Variants in PNO1 observed in about 807,000 individuals in gnomAD.
PNO1 encodes the protein partner of NOB1 homolog.
A neutral mutation model predicts 28.4 loss-of-function variants in PNO1; 16 were observed. The observed-to-expected ratio is 0.56, with a 90% CI of 0.38 to 0.85. The LOEUF (loss-of-function observed/expected upper bound fraction) is 0.85. Ranked by LOEUF, PNO1 falls within the 40% of genes least tolerant of loss-of-function variation. The probability of loss-of-function intolerance (pLI) is 0.00; values close to 1 mark genes in which losing one functional copy is unlikely to be tolerated. For missense variants in PNO1, 304 were observed against 312.2 expected, an observed-to-expected ratio of 0.97 and a Z score of 0.20; for synonymous variants, 115 against 110.8, an observed-to-expected ratio of 1.04 and a Z score of -0.24.
Position 68,157,969 on chromosome 2 carries a change from C to T in PNO1, c.35C>T (p.Ala12Val), listed in dbSNP as rs538067361. The change falls in exon 1 of 7, where the codon GCA becomes GTA. Residue 12 changes from alanine (A) to valine (V), a missense_variant. Coordinates refer to ENST00000263657, the MANE Select transcript of PNO1 (RefSeq NM_020143.4). The stretch of plus-strand genomic sequence containing the variant: ...GAAATGGAAACGCAGAGCGCCAGGG[C>T]AGAGGAGGGCTTTACCCAGGTCACC... ...ESEMETQSARAEEGFTQVTRK... is the reference protein window; with the variant it reads ...ESEMETQSARVEEGFTQVTRK... 6.2e-6 allele frequency: 10 copies of T among 1,614,096 alleles called. No individual in the cohort carries two copies. The highest frequency in any genetic ancestry group is 2.2e-5 in the East Asian group (1 of 44,870).
chr2:68,158,454 G>C lies in PNO1; in HGVS notation c.282G>C (p.Lys94Asn), dbSNP rs568308633. 2 of 1,613,104 alleles carry C rather than the reference G, an allele frequency of 1.2e-6. No individual in the cohort carries two copies. Among genetic ancestry groups the C allele is most frequent in the South Asian group, 1.1e-5 (1 of 91,060 alleles). The change falls in exon 2 of 7, where the codon AAG becomes AAC. Residue 94 changes from lysine (K) to asparagine (N), a missense_variant. By Grantham distance (94) the Lys-to-Asn change is moderately conservative (BLOSUM62 0). Transcript: ENST00000263657. ...RYTPLKENWM[K>N]IFTPIVEHLG... ...CACCATTGAAAGAAAACTGGATGAA[G>C]ATATTTACTCCTATTGTGGAACATT... is the stretch of plus-strand genomic sequence containing the variant.
intron 4 of PNO1, 50 bp from the exon 5 acceptor site, chr2:68,162,496 G>T: frequency 7.9e-7 from 1 of 1,263,556 alleles, no homozygotes; most frequent in South Asian, 1.2e-5. Context: ...TGTGGAATGG[G>T]TGGTACACTA....
chr2:68,159,390 G>C (rs1306025161), intron 2 of PNO1, among the ~76,000 whole-genome samples: 1 of 151,730 alleles, frequency 6.6e-6, no homozygotes, highest in African/African-American at 2.4e-5. Context: ...TGTATTTTTA[G>C]TAGAGACTGG....
chr2:68,159,792 C>G (rs149337696), intron 2 of PNO1, among the ~76,000 whole-genome samples: 1 of 151,896 alleles, frequency 6.6e-6, no homozygotes, highest in Non-Finnish European at 1.5e-5. Flanking sequence ...TTGCCATTCT[C>G]TCATTCAGGC....
intron 5 of PNO1, among the ~76,000 whole-genome samples, chr2:68,172,629 T>C (rs1434345444): frequency 6.6e-6 from 1 of 152,238 alleles, no homozygotes. Flanking sequence ...AACTTTGCAG[T>C]TGAAAACCAA....
chr2:68,161,080 G>A, intron 2 of PNO1: 1 of 397,242 alleles, frequency 2.5e-6, no homozygotes, highest in South Asian at 2.0e-5. Context: ...GAGTTATGGT[G>A]TGTAAAGCAT....
At chr2:68,164,446 G>A (rs773616694) in intron 5 of PNO1, among the ~76,000 whole-genome samples, 6 of 152,098 alleles carry the variant, frequency 3.9e-5, no homozygotes, top group South Asian at 2.1e-4. Flanking sequence ...AACCACGATC[G>A]TGCCACTGTA....
Position 68,158,184 on chromosome 2 carries a change from G to T in PNO1, c.207+43G>T, listed in dbSNP as rs752446782. The T allele has an allele frequency of 2.0e-6, 3 of 1,529,406 alleles. No individual in the cohort carries two copies. The East Asian group carries it at 6.8e-5, about 35-fold the overall frequency. 94.7% of individuals were successfully genotyped at this position (1,529,406 alleles called of 1,614,324 possible). ...TAGGACAGCAACGAGGCAAGGGCCAGACGCGGATCAAGCCGATGGCCTCTG... is the reference window on the plus strand; with the variant it reads ...TAGGACAGCAACGAGGCAAGGGCCATACGCGGATCAAGCCGATGGCCTCTG... On this transcript the variant is annotated intron_variant, in intron 1 of 6. Transcript: ENST00000263657.
rs371420658 is a variant in PNO1, at chr2:68,158,467, A to G, written c.295A>G (p.Ile99Val). 349 of 1,613,454 alleles carry G rather than the reference A, an allele frequency of 2.2e-4. 2 individuals carry two copies. Among genetic ancestry groups the G allele is most frequent in the Middle Eastern group, 1.5e-3 (9 of 6,056 alleles). ...AAACTGGATGAAGATATTTACTCCT[A>G]TTGTGGAACATTTGGGACTTCAGAT... ...KENWMKIFTPIVEHLGLQIRF... is the reference protein window; with the variant it reads ...KENWMKIFTPVVEHLGLQIRF... The change falls in exon 2 of 7, where the codon ATT (isoleucine) becomes GTT (valine). Residue 99 changes from isoleucine to valine, a missense_variant. Physicochemically the swap from Ile to Val is conservative, Grantham distance 29 (BLOSUM62 3). Coordinates refer to ENST00000263657, the MANE Select transcript of PNO1 (RefSeq NM_020143.4).
intron 5 of PNO1, among the ~76,000 whole-genome samples, chr2:68,164,630 A>T (rs902508454): frequency 6.6e-6 from 1 of 152,048 alleles, no homozygotes; most frequent in African/African-American, 2.4e-5. Flanking sequence ...AGGGATCTCC[A>T]TCTCTACAAA....
rs1269328247 is a variant in PNO1 at position 68,158,080 on chromosome 2, C to T, written c.146C>T (p.Thr49Ile). 6.2e-7 allele frequency: 1 copy of T among 1,613,222 alleles called. No homozygotes were observed. Among genetic ancestry groups the T allele is most frequent in the African/African-American group, 1.3e-5 (1 of 74,944 alleles). The change falls in exon 1 of 7, where the codon ACA becomes ATA. Residue 49 changes from threonine (T) to isoleucine (I), a missense_variant. Coordinates refer to ENST00000263657, the MANE Select transcript of PNO1 (RefSeq NM_020143.4). ...GGCGGGGATGCGGGCCGCATGGACA[C>T]AGAGGAGGCCAGGCCGGCGAAGAGG... ...GEGGDAGRMDTEEARPAKRPV... is the reference protein window; with the variant it reads ...GEGGDAGRMDIEEARPAKRPV...
Position 68,158,511 on chromosome 2 carries a change from A to G in PNO1, c.339A>G (p.Ser113=). The G allele has an allele frequency of 6.2e-7, 1 of 1,613,150 alleles. No individual in the cohort carries two copies. The highest frequency in any genetic ancestry group is 8.5e-7 in the Non-Finnish European group (1 of 1,179,622). ...LGLQIRFNLK[S]RNVEIRTCKE... The stretch of plus-strand genomic sequence containing the variant: ...TTCAGATACGCTTTAACTTGAAATC[A>G]AGGAATGTAGAAATCAGGGTAAGGA... The change falls in exon 2 of 7, where the codon TCA becomes TCG. Residue 113 remains serine (S), a synonymous_variant. Transcript: ENST00000263657.
intron 5 of PNO1, among the ~76,000 whole-genome samples, chr2:68,163,357 C>T (rs528699717): frequency 3.4e-4 from 51 of 152,034 alleles, no homozygotes; most frequent in African/African-American, 1.2e-3. Context: ...CATGGTGAAA[C>T]CCTCTCTCTA....
intron 5 of PNO1, among the ~76,000 whole-genome samples, chr2:68,171,533 T>G (rs193046528): frequency 6.6e-6 from 1 of 152,380 alleles, no homozygotes; most frequent in Non-Finnish European, 1.5e-5. Flanking sequence ...CCTTTTGGGC[T>G]TACATCTTTC....
intron 2 of PNO1, chr2:68,161,309 C>G (rs768202139): frequency 4.2e-5 from 20 of 474,310 alleles, no homozygotes; most frequent in Non-Finnish European, 7.8e-5. Context: ...CCAGGGAAGA[C>G]TGCCTTGAGA....
At chr2:68,164,163 A>G (rs1673914340) in intron 5 of PNO1, among the ~76,000 whole-genome samples, 1 of 152,192 alleles carries the variant, frequency 6.6e-6, no homozygotes, top group Admixed American at 6.5e-5. Flanking sequence ...GGGAGAAGCT[A>G]TTTTGAACTG....
chr2:68,162,498 G>A (rs917239643), intron 4 of PNO1, 48 bp from the exon 5 acceptor site: 2 of 1,275,016 alleles, frequency 1.6e-6, no homozygotes, highest in African/African-American at 1.5e-5. Flanking sequence ...TGGAATGGGT[G>A]GTACACTAGA....
At chr2:68,173,542 A>T in intron 6 of PNO1, 125 bp downstream of exon 6, 8 of 507,892 alleles carry the variant, frequency 1.6e-5, no homozygotes, top group Non-Finnish European at 2.5e-5. Flanking sequence ...AACCCTTGGG[A>T]GTTGGCAAAG....
chr2:68,159,262 G>A (rs112275693), intron 2 of PNO1, among the ~76,000 whole-genome samples: 2,759 of 151,242 alleles, frequency 0.018, 89 homozygotes, highest in African/African-American at 0.063. Flanking sequence ...ATATGTGTGT[G>A]TGTGTGTGTG....
Sources: gnomAD v4.1 joint callset for allele counts (sites outside exome capture counted in the v4.1 genomes callset) on GRCh38, gnomAD v4.1.1 for gene constraint, MANE v1.5 for transcripts, NCBI Gene and HGNC (gene_info 2026-07-23, HGNC 2026-07-21) for gene names.